MTUS2: variants seen among roughly 807,000 people sequenced by gnomAD.
The protein encoded by MTUS2 is microtubule-associated tumor suppressor candidate 2.
Under a neutral mutation model 114.1 loss-of-function variants are expected in MTUS2, and 40 were observed. That is an observed-to-expected ratio of 0.35 (90% CI 0.27 to 0.46). The LOEUF (loss-of-function observed/expected upper bound fraction) is 0.46. MTUS2 is among the 20% of genes least tolerant of loss of function. MTUS2 has a pLI of 1.00. For missense variants in MTUS2, 1,679 were observed against 1,705.4 expected, an observed-to-expected ratio of 0.98 and a Z score of 0.27; for synonymous variants, 688 against 672.0, an observed-to-expected ratio of 1.02 and a Z score of -0.37.
intron 5 of MTUS2, among the ~76,000 whole-genome samples, chr13:29,272,437 T>G (rs1425875863): frequency 6.6e-6 from 1 of 152,222 alleles, no homozygotes; most frequent in Non-Finnish European, 1.5e-5. Context: ...TTCTGCAGCC[T>G]TCCTCTTCCT....
Position 29,429,526 on chromosome 13 carries a change from A to T in MTUS2, c.3118-10457A>T, listed in dbSNP as rs78465808. On this transcript the variant is annotated intron_variant, in intron 8 of 15. Coordinates refer to ENST00000612955, the MANE Select transcript of MTUS2 (RefSeq NM_001033602.4). ...AATTCACAGCCAGGGAACTGAAAATAGAGTATGCATGAGAATTATATAGCA... is the reference window on the plus strand; with the variant it reads ...AATTCACAGCCAGGGAACTGAAAATTGAGTATGCATGAGAATTATATAGCA... Among the ~76,000 whole-genome samples, 633 of 152,336 alleles carry T rather than the reference A, an allele frequency of 4.2e-3. 6 individuals carry two copies. The highest frequency in any genetic ancestry group is 0.014 in the African/African-American group (586 of 41,580).
intron 6 of MTUS2, among the ~76,000 whole-genome samples, chr13:29,287,167 G>A (rs895225190): frequency 2.6e-5 from 4 of 152,222 alleles, no homozygotes; most frequent in African/African-American, 9.6e-5. Flanking sequence ...TGTTGTATAT[G>A]TTCCCAGTCC....
chr13:29,407,806 A>G (rs1421326489), intron 8 of MTUS2, among the ~76,000 whole-genome samples: 1 of 152,046 alleles, frequency 6.6e-6, no homozygotes, highest in African/African-American at 2.4e-5. Flanking sequence ...TACTTCTACC[A>G]GCTATGTATG....
At position 28,832,094 on chromosome 13, in the gene MTUS2, A is replaced by C. The variant is rs370195674; in HGVS notation, c.-315-7684A>C. Among the ~76,000 whole-genome samples, 151 of 152,248 alleles carry C rather than the reference A, an allele frequency of 9.9e-4. 1 individual carries two copies. Among genetic ancestry groups the C allele is most frequent in the African/African-American group, 3.5e-3 (146 of 41,556 alleles). On this transcript the variant is annotated intron_variant, in intron 1 of 15. Transcript: ENST00000612955. ...ACCTCATTTTCAAAAATGGGTTGAA[A>C]CAGAAGATCTTATTTTCTTGCTGAA... is the stretch of plus-strand genomic sequence containing the variant.
intron 8 of MTUS2, among the ~76,000 whole-genome samples, chr13:29,380,233 G>A (rs1000738939): frequency 6.6e-6 from 1 of 152,186 alleles, no homozygotes; most frequent in Admixed American, 6.5e-5. Flanking sequence ...ATGGCAGGCA[G>A]GTAGAGACAC....
intron 2 of MTUS2, among the ~76,000 whole-genome samples, chr13:29,010,920 CT>C (rs1369491652): frequency 1.3e-5 from 2 of 152,050 alleles, no homozygotes; most frequent in African/African-American, 4.8e-5. Flanking sequence ...AGAGCTGCCC[CT>C]GGGAGAGGTG....
At chr13:28,855,283 C>A (rs552903253) in intron 2 of MTUS2, among the ~76,000 whole-genome samples, 118 of 152,036 alleles carry the variant, frequency 7.8e-4, no homozygotes, top group Admixed American at 1.5e-3. Flanking sequence ...ATTTTAAGTT[C>A]CAGGATACAT....
intron 8 of MTUS2, among the ~76,000 whole-genome samples, chr13:29,365,532 T>TGTGTGTGTGTGTGTGTGTG (rs1870640311): frequency 8.4e-5 from 1 of 11,876 alleles, no homozygotes; most frequent in Non-Finnish European, 4.1e-4. Context: ...GTGTGTGTAA[T>TGTGTGTGTGTGTGTGTGTG]TAAATGTCAC....
At chr13:28,989,858 T>G (rs74550155) in intron 2 of MTUS2, among the ~76,000 whole-genome samples, 66,772 of 150,934 alleles carry the variant, frequency 0.44, 15,330 homozygotes, top group East Asian at 0.68. Flanking sequence ...TTTTGTTTTT[T>G]TTTTTTTTTG....
intron 9 of MTUS2, among the ~76,000 whole-genome samples, chr13:29,447,969 G>T (rs1423111729): frequency 1.3e-5 from 2 of 152,110 alleles, no homozygotes; most frequent in African/African-American, 4.8e-5. Flanking sequence ...TGATGTATTT[G>T]TAAGCACTGA....
intron 8 of MTUS2, among the ~76,000 whole-genome samples, chr13:29,372,307 C>T (rs1310713712): frequency 6.6e-6 from 1 of 151,992 alleles, no homozygotes; most frequent in African/African-American, 2.4e-5. Context: ...ATCTTGACCT[C>T]ATGCTGAGAT....
chr13:29,020,133 G>C (rs936488117), intron 2 of MTUS2, among the ~76,000 whole-genome samples: 1 of 152,118 alleles, frequency 6.6e-6, no homozygotes, highest in African/African-American at 2.4e-5. Flanking sequence ...TATAAGCCTA[G>C]ATCTTTACAT....
chr13:29,130,398 C>T (rs1891708072), intron 5 of MTUS2, among the ~76,000 whole-genome samples: 2 of 152,074 alleles, frequency 1.3e-5, no homozygotes, highest in African/African-American at 4.8e-5. Context: ...AGGCACCGGG[C>T]TCACCCTTGC....
chr13:29,137,925 G>A (rs1229334407), intron 5 of MTUS2, among the ~76,000 whole-genome samples: 1 of 152,116 alleles, frequency 6.6e-6, no homozygotes, highest in Non-Finnish European at 1.5e-5. Flanking sequence ...AAATGAAAGA[G>A]GTTGAAAGAA....
chr13:29,422,236 C>T (rs1035811874), intron 8 of MTUS2, among the ~76,000 whole-genome samples: 2 of 152,110 alleles, frequency 1.3e-5, no homozygotes, highest in African/African-American at 2.4e-5. Context: ...GAGTTAGATC[C>T]GAGTTCATGA....
chr13:29,498,330 G>T, intron 13 of MTUS2, 88 bp from the exon 14 acceptor site: 1 of 1,572,118 alleles, frequency 6.4e-7, no homozygotes, highest in Non-Finnish European at 8.6e-7. Context: ...GTCCCAGGAG[G>T]ATAGATTTAG....
At chr13:29,422,475 A>G (rs749141592) in intron 8 of MTUS2, among the ~76,000 whole-genome samples, 22 of 152,138 alleles carry the variant, frequency 1.4e-4, no homozygotes, top group Non-Finnish European at 1.8e-4. Flanking sequence ...CAGTGTTCAT[A>G]AAGTTTTCTC....
Position 29,505,673 on chromosome 13 carries a change from C to T in MTUS2, c.*2467C>T, listed in dbSNP as rs1474949898. ...CGTTTCCACGTTCGGATGCTGCAGC[C>T]TCTGCACCTGCCTCAGACAGACCCA... On this transcript the variant is annotated 3_prime_UTR_variant, in exon 16 of 16. Transcript: ENST00000612955. The T allele has an allele frequency of 4.3e-6, 1 of 230,586 alleles. No homozygotes were observed. Among genetic ancestry groups the T allele is most frequent in the Non-Finnish European group, 8.6e-6 (1 of 116,462 alleles). The allele number at this position is 230,586 out of a possible 1,614,324, so 14.3% of individuals were successfully genotyped here.
intron 2 of MTUS2, among the ~76,000 whole-genome samples, chr13:28,983,515 T>C (rs1473297738): frequency 6.6e-6 from 1 of 152,232 alleles, no homozygotes; most frequent in Non-Finnish European, 1.5e-5. Flanking sequence ...TGAAATAACA[T>C]TGGGGTCAAT....
Sources: allele counts gnomAD v4.1 joint callset (sites outside exome capture counted in the v4.1 genomes callset), GRCh38; gene constraint gnomAD v4.1.1; transcripts MANE v1.5; gene names NCBI Gene and HGNC (gene_info 2026-07-23, HGNC 2026-07-21).